Variants in ADAM28 observed in about 807,000 individuals in gnomAD.
ADAM28 encodes ADAM metallopeptidase domain 28.
In ADAM28, 105 loss-of-function variants were observed where a neutral mutation model predicts 101.2. That is an observed-to-expected ratio of 1.04 (90% confidence interval 0.89 to 1.22). The LOEUF (loss-of-function observed/expected upper bound fraction) is 1.22, where lower values mean the gene tolerates loss of function less well. ADAM28 is among the 50% of genes most tolerant of loss of function. The pLI is 0.00. For missense variants in ADAM28, 1,028 were observed against 945.4 expected (o/e 1.09, Z -1.15); for synonymous variants, 322 against 310.6 (o/e 1.04, Z -0.39).
At chr8:24,297,871 A>C (rs1808185875) in intron 1 of ADAM28, among the ~76,000 whole-genome samples, 3 of 152,318 alleles carry the variant, frequency 2.0e-5, no homozygotes, top group African/African-American at 7.2e-5. Context: ...TGTTTCAAAA[A>C]TTTTTTATAA....
intron 19 of ADAM28, 151 bp downstream of exon 19, chr8:24,350,123 G>T: frequency 4.7e-6 from 3 of 639,210 alleles, no homozygotes; most frequent in Admixed American, 6.4e-5. Context: ...CGAGAAACTG[G>T]GTTTCCCTTT....
chr8:24,352,811 C>CTAT (rs1816324855), intron 21 of ADAM28, among the ~76,000 whole-genome samples: 1 of 152,114 alleles, frequency 6.6e-6, no homozygotes, highest in Non-Finnish European at 1.5e-5. Context: ...TTATGCACGC[C>CTAT]TATTTTCAGG....
At chr8:24,339,851 TGC>T (rs1726595025) in intron 15 of ADAM28, among the ~76,000 whole-genome samples, 1 of 152,176 alleles carries the variant, frequency 6.6e-6, no homozygotes, top group South Asian at 2.1e-4. Context: ...TGATGGAACA[TGC>T]CACAAAGAAT....
chr8:24,324,659 T>G (rs865853005), intron 9 of ADAM28, among the ~76,000 whole-genome samples: 13 of 152,140 alleles, frequency 8.5e-5, no homozygotes, highest in African/African-American at 2.6e-4. Flanking sequence ...ATCTGTTAAC[T>G]GCATAACAAA....
chr8:24,352,624 G>C lies in ADAM28; in HGVS notation c.2244+572G>C, dbSNP rs533450385. On this transcript the variant is annotated intron_variant, in intron 21 of 22. Transcript: ENST00000265769. ...TAGGGTTTCAACATATGAAATTGTGGGGTGACACAAACATACAGTTTATAG... is the reference window on the plus strand; with the variant it reads ...TAGGGTTTCAACATATGAAATTGTGCGGTGACACAAACATACAGTTTATAG... Among the ~76,000 whole-genome samples the C allele has an allele frequency of 3.9e-5, 6 of 152,158 alleles. 1 individual carries two copies. The highest frequency in any genetic ancestry group is 9.6e-5 in the African/African-American group (4 of 41,524).
rs145317491 is a variant in ADAM28, at chr8:24,334,594, G to T, written c.1372-852G>T. Among the ~76,000 whole-genome samples the T allele has an allele frequency of 3.3e-5, 5 of 152,332 alleles. No homozygotes were observed. In the East Asian group the frequency reaches 7.7e-4, roughly 23 times the overall value. ...ATAAGAGAAGATACAAGCATGGTTT[G>T]TCTGGTATGTGGTAAGGAATTCTCT... On this transcript the variant is annotated intron_variant, in intron 13 of 22. Coordinates refer to ENST00000265769, the MANE Select transcript of ADAM28 (RefSeq NM_014265.6).
intron 6 of ADAM28, among the ~76,000 whole-genome samples, chr8:24,315,398 A>G (rs1023321589): frequency 1.3e-5 from 2 of 152,032 alleles, no homozygotes; most frequent in Admixed American, 6.6e-5. Flanking sequence ...ATTTGTCAAT[A>G]AATTTGATAG....
At chr8:24,302,756 A>C (rs1050321948) in intron 2 of ADAM28, among the ~76,000 whole-genome samples, 1 of 151,918 alleles carries the variant, frequency 6.6e-6, no homozygotes, top group Non-Finnish European at 1.5e-5. Flanking sequence ...GTGTCTGTTC[A>C]TGTCCTTTGT....
chr8:24,325,004 C>G (rs1812353516), intron 9 of ADAM28: 1 of 151,946 alleles, frequency 6.6e-6, no homozygotes. Context: ...GGGGAAGGCA[C>G]TACTCAGGCT....
At chr8:24,341,392 C>A in intron 15 of ADAM28, 1 of 493,566 alleles carries the variant, frequency 2.0e-6, no homozygotes, top group Non-Finnish European at 3.5e-6. Flanking sequence ...GTACAGGGAT[C>A]TAGGTAATAC....
rs190335158 is a variant in ADAM28, at chr8:24,320,137, G to T, written c.577-99G>T. On this transcript the variant is annotated intron_variant, in intron 6 of 22. Transcript: ENST00000265769. ...GCTAATATTGTCTGCCTTTACTCCA[G>T]ATATCAACCAACTGCTTATAAAATT... The T allele has an allele frequency of 9.1e-4, 763 of 842,282 alleles. 3 individuals are homozygous for T. Among genetic ancestry groups the T allele is most frequent in the Non-Finnish European group, 1.2e-3 (603 of 508,928 alleles). 52.2% of individuals were successfully genotyped at this position (842,282 alleles called of 1,614,324 possible). A position where few individuals can be genotyped will look rare whatever the true frequency, so the allele number is the denominator to read the frequency against.
At chr8:24,306,361 T>TATATATATATAAAA (rs1809638746) in intron 2 of ADAM28, among the ~76,000 whole-genome samples, 1 of 115,388 alleles carries the variant, frequency 8.7e-6, no homozygotes, top group African/African-American at 3.7e-5. Flanking sequence ...AATAAATAAA[T>TATATATATATAAAA]AAATATATAT....
At chr8:24,319,350 G>T (rs1811570304) in intron 6 of ADAM28, among the ~76,000 whole-genome samples, 1 of 151,910 alleles carries the variant, frequency 6.6e-6, no homozygotes, top group African/African-American at 2.4e-5. Flanking sequence ...GCCACCATCT[G>T]ATATGTTTAT....
chr8:24,344,306 C>CTCA (rs537461300), intron 18 of ADAM28, among the ~76,000 whole-genome samples: 1 of 152,156 alleles, frequency 6.6e-6, no homozygotes, highest in African/African-American at 2.4e-5. Context: ...GCTGCTTTTT[C>CTCA]TCATCATCAT....
At chr8:24,353,719 G>A (rs1340699168) in intron 21 of ADAM28, 51 bp from the exon 22 acceptor site, 2 of 1,135,834 alleles carry the variant, frequency 1.8e-6, no homozygotes, top group Admixed American at 1.8e-5. Flanking sequence ...GCTAAGATGG[G>A]ACAAGCATAG....
rs377099874 is a variant in ADAM28 at position 24,312,133 on chromosome 8, A to C, written c.383+696A>C. Among the ~76,000 whole-genome samples, 31 of 152,286 alleles carry C rather than the reference A, an allele frequency of 2.0e-4. No individual in the cohort carries two copies. In the South Asian group the frequency reaches 6.4e-3, roughly 32 times the overall value. On this transcript the variant is annotated intron_variant, in intron 5 of 22. Coordinates refer to ENST00000265769, the MANE Select transcript of ADAM28 (RefSeq NM_014265.6). ...TCTGTCTGTTAATGATATACTATGCATCTGTCTATATATAGTAATCTATAG... is the reference window on the plus strand; with the variant it reads ...TCTGTCTGTTAATGATATACTATGCCTCTGTCTATATATAGTAATCTATAG...
At chr8:24,353,314 G>T (rs1816388007) in intron 21 of ADAM28, among the ~76,000 whole-genome samples, 1 of 152,076 alleles carries the variant, frequency 6.6e-6, no homozygotes, top group South Asian at 2.1e-4. Flanking sequence ...TGGAATAAGA[G>T]TCAGGTGCTC....
At position 24,321,203 on chromosome 8, in the gene ADAM28, T is replaced by C. The variant is rs1309455927; in HGVS notation, c.649-15T>C. ...TTTTATCAATGCCCATATTCTTTCT[T>C]AATTTTTCTTTTAGTTTAAAAGGTA... On this transcript the variant is annotated splice_polypyrimidine_tract_variant and intron_variant, in intron 7 of 22. Coordinates refer to ENST00000265769, the MANE Select transcript of ADAM28 (RefSeq NM_014265.6). 1 of 1,547,926 alleles carries C rather than the reference T, an allele frequency of 6.5e-7. No homozygotes were observed. Among genetic ancestry groups the C allele is most frequent in the Non-Finnish European group, 8.9e-7 (1 of 1,121,370 alleles).
chr8:24,322,293 G>C (rs1295603212), intron 8 of ADAM28, among the ~76,000 whole-genome samples: 2 of 151,876 alleles, frequency 1.3e-5, no homozygotes, highest in Non-Finnish European at 2.9e-5. Context: ...ATAGCAGATG[G>C]GGAGGCGCAA....
Sources: gnomAD v4.1 joint callset for allele counts (sites outside exome capture counted in the v4.1 genomes callset) on GRCh38, gnomAD v4.1.1 for gene constraint, MANE v1.5 for transcripts, NCBI Gene and HGNC (gene_info 2026-07-23, HGNC 2026-07-21) for gene names.